FXR1: variants seen among roughly 807,000 people sequenced by gnomAD.
The protein encoded by FXR1 is RNA-binding protein FXR1.
FXR1 carries 15 observed loss-of-function variants against 84.0 expected under a neutral mutation model. That is an observed-to-expected ratio of 0.18 (90% CI 0.12 to 0.27). The LOEUF is 0.27. FXR1 is among the 10% of genes least tolerant of loss of function. The pLI is 1.00. For missense variants in FXR1, 480 were observed against 774.4 expected (o/e 0.62, Z 4.51); for synonymous variants, 245 against 250.7 (o/e 0.98, Z 0.21).
intron 8 of FXR1, 81 bp downstream of exon 8, chr3:180,951,549 T>C: frequency 9.7e-7 from 1 of 1,032,688 alleles, no homozygotes; most frequent in Non-Finnish European, 1.4e-6. Flanking sequence ...AAATTCCAGT[T>C]TCCCATGAAA....
chr3:180,967,290 A>G (rs1417433604), intron 13 of FXR1, among the ~76,000 whole-genome samples: 1 of 152,186 alleles, frequency 6.6e-6, no homozygotes, highest in Non-Finnish European at 1.5e-5. Flanking sequence ...CCTACTGGAA[A>G]AATTACTTCT....
rs758339979 is a variant in FXR1, at chr3:180,982,698, G to C, written c.*6406G>C. On this transcript the variant is annotated 3_prime_UTR_variant, in exon 17 of 17. Coordinates refer to ENST00000357559, the MANE Select transcript of FXR1 (RefSeq NM_005087.4). ...TATTTCTTCATAAAGCTCTTGTTCA[G>C]AGAAACATTTTTTGATTTGTCCAAT... 6.6e-6 allele frequency: 1 copy of C among 152,080 alleles called. No homozygotes were observed. The highest frequency in any genetic ancestry group is 1.5e-5 in the Non-Finnish European group (1 of 67,980). The allele number at this position is 152,080 out of a possible 1,614,324, so 9.4% of individuals were successfully genotyped here.
At chr3:180,924,063 A>G (rs1255545785) in intron 1 of FXR1, among the ~76,000 whole-genome samples, 1 of 151,818 alleles carries the variant, frequency 6.6e-6, no homozygotes, top group Non-Finnish European at 1.5e-5. Flanking sequence ...GGTTCAAGTG[A>G]TTCTCCTCCC....
At chr3:180,960,071 G>A (rs978572774) in intron 10 of FXR1, among the ~76,000 whole-genome samples, 1 of 152,052 alleles carries the variant, frequency 6.6e-6, no homozygotes, top group African/African-American at 2.4e-5. Context: ...ATTTTTCTCA[G>A]CCATTAAGAA....
intron 10 of FXR1, 118 bp from the exon 11 acceptor site, chr3:180,961,339 CAAAAAAAAAAA>C: frequency 3.4e-6 from 1 of 290,962 alleles, no homozygotes. Flanking sequence ...GACGTCATCT[CAAAAAAAAAAA>C]AAAAAAAAAA....
At chr3:180,931,865 C>T (rs1392238742) in intron 1 of FXR1, among the ~76,000 whole-genome samples, 3 of 150,672 alleles carry the variant, frequency 2.0e-5, no homozygotes, top group South Asian at 2.1e-4. Flanking sequence ...CTCAGCCTTC[C>T]AAGTAGCTGG....
At chr3:180,948,588 C>G (rs1721921583) in intron 5 of FXR1, 93 bp downstream of exon 5, 3 of 1,056,648 alleles carry the variant, frequency 2.8e-6, no homozygotes, top group Non-Finnish European at 4.3e-6. Flanking sequence ...ATCAAACCTT[C>G]TGATGGAAAA....
rs369747203 is a variant in FXR1 at position 180,982,117 on chromosome 3, T to C, written c.*5825T>C. On this transcript the variant is annotated 3_prime_UTR_variant, in exon 17 of 17. Coordinates refer to ENST00000357559, the MANE Select transcript of FXR1 (RefSeq NM_005087.4). ...TCAGGATCTGAGAAAGATCAGCCAT[T>C]CTCAGCATGTTGCCTTGGCTGCTTA... 10 of 152,020 alleles carry C rather than the reference T, an allele frequency of 6.6e-5. No individual in the cohort carries two copies. In the East Asian group the frequency reaches 1.2e-3, roughly 18 times the overall value. The allele number at this position is 152,020 out of a possible 1,614,324, so 9.4% of individuals were successfully genotyped here.
chr3:180,923,287 C>A (rs184726206), intron 1 of FXR1, among the ~76,000 whole-genome samples: 6 of 152,272 alleles, frequency 3.9e-5, no homozygotes, highest in Non-Finnish European at 4.4e-5. Flanking sequence ...GATTGATAGA[C>A]CCTCCTGAGA....
intron 1 of FXR1, among the ~76,000 whole-genome samples, chr3:180,924,191 C>T (rs1718907227): frequency 6.6e-6 from 1 of 152,122 alleles, no homozygotes; most frequent in Admixed American, 6.5e-5. Context: ...CTCAGGTGAT[C>T]TGCCTGCCTC....
At chr3:180,915,561 G>A in intron 1 of FXR1, 1 of 1,201,088 alleles carries the variant, frequency 8.3e-7, no homozygotes, top group Non-Finnish European at 1.2e-6. Context: ...ACTAGAAGTT[G>A]CCTTGAGATG....
chr3:180,914,027 A>G (rs1180688545), intron 1 of FXR1, among the ~76,000 whole-genome samples: 2 of 152,224 alleles, frequency 1.3e-5, no homozygotes, highest in Admixed American at 6.5e-5. Context: ...GTACCAGCAT[A>G]ATGGGGAATC....
At chr3:180,951,255 T>G in intron 7 of FXR1, 43 bp from the exon 8 acceptor site, 1 of 1,271,728 alleles carries the variant, frequency 7.9e-7, no homozygotes, top group Admixed American at 1.8e-5. Context: ...AAAGCCATTT[T>G]GTATTTTGAT....
At chr3:180,967,916 A>G (rs1478686990) in intron 13 of FXR1, 135 bp from the exon 14 acceptor site, 1 of 628,036 alleles carries the variant, frequency 1.6e-6, no homozygotes, top group Non-Finnish European at 2.9e-6. Context: ...GATTGATTTT[A>G]ACTTTCATGG....
chr3:180,972,040 A>T (rs76634763), intron 15 of FXR1, among the ~76,000 whole-genome samples: 2,225 of 152,324 alleles, frequency 0.015, 66 homozygotes, highest in African/African-American at 0.052. Flanking sequence ...ATTAGTTCCC[A>T]TCCCTAAAAG....
At chr3:180,915,647 C>G (rs1717803957) in intron 1 of FXR1, 1 of 713,768 alleles carries the variant, frequency 1.4e-6, no homozygotes, top group East Asian at 2.7e-5. Context: ...CTGAATTTCC[C>G]TTTTTTCCCC....
chr3:180,951,027 A>G (rs1159206511), intron 7 of FXR1, among the ~76,000 whole-genome samples: 1 of 152,072 alleles, frequency 6.6e-6, no homozygotes, highest in Non-Finnish European at 1.5e-5. Flanking sequence ...AGCCTGGGTA[A>G]CATAGTGAGA....
At chr3:180,941,284 C>T (rs183084909) in intron 3 of FXR1, among the ~76,000 whole-genome samples, 62 of 151,942 alleles carry the variant, frequency 4.1e-4, no homozygotes, top group Admixed American at 3.1e-3. Flanking sequence ...CTTGACCTCC[C>T]GGGCTCAAGG....
At chr3:180,922,763 C>G (rs73055763) in intron 1 of FXR1, among the ~76,000 whole-genome samples, 3,623 of 152,170 alleles carry the variant, frequency 0.024, 83 homozygotes, top group African/African-American at 0.062. Context: ...CAGACATGTG[C>G]CACCATGCCC....
Sources: allele counts gnomAD v4.1 joint callset (sites outside exome capture counted in the v4.1 genomes callset), GRCh38; gene constraint gnomAD v4.1.1; transcripts MANE v1.5; gene names NCBI Gene and HGNC (gene_info 2026-07-23, HGNC 2026-07-21).